The following CACNA1S variants were observed in gnomAD, a reference collection of about 807,000 sequenced individuals.
The protein encoded by CACNA1S is calcium voltage-gated channel subunit alpha1 S.
In CACNA1S, 126 loss-of-function variants were observed where a neutral mutation model predicts 207.4. The observed-to-expected ratio is 0.61, with a 90% CI of 0.53 to 0.70. The LOEUF is 0.70. CACNA1S is among the 30% of genes least tolerant of loss of function. The pLI is 0.00. For synonymous variants in CACNA1S, 960 were observed against 932.7 expected (o/e 1.03, Z -0.53); for missense variants, 2,349 against 2,422.8 (o/e 0.97, Z 0.64).
intron 22 of CACNA1S, 140 bp from the exon 23 acceptor site, chr1:201,062,654 T>C: frequency 1.3e-6 from 1 of 759,676 alleles, no homozygotes. Context: ...CATCTCTTCC[T>C]CTCAGAGGCG....
At chr1:201,045,830 T>C (rs1001802615) in intron 38 of CACNA1S, among the ~76,000 whole-genome samples, 8 of 152,062 alleles carry the variant, frequency 5.3e-5, no homozygotes, top group African/African-American at 1.9e-4. Context: ...GATAACGCCC[T>C]TGTAATACAC....
Position 201,070,395 on chromosome 1 carries a change from T to A in CACNA1S, c.2237A>T (p.Glu746Val). 3 of 1,613,996 alleles carry A rather than the reference T, an allele frequency of 1.9e-6. No homozygotes were observed. The highest frequency in any genetic ancestry group is 1.7e-6 in the Non-Finnish European group (2 of 1,179,964). Residue 746 changes from glutamate (E) to valine (V), a missense_variant, in exon 17 of 44, where the codon GAG (glutamate) becomes GTG (valine). Physicochemically the swap from Glu to Val is moderately radical, Grantham distance 121. Coordinates refer to ENST00000362061, the MANE Select transcript of CACNA1S (RefSeq NM_000069.3). The stretch of plus-strand genomic sequence containing the variant: ...CAGCGGGATCTCAGGCTCATCTTCC[T>A]CGTCATCCCCTGTGGGGAGAGAGAG... The part of the protein sequence containing the change: ...YPSADFPGDD[E>V]EDEPEIPLSP...
At chr1:201,069,642 G>A (rs1201920057) in intron 17 of CACNA1S, 41 bp from the exon 18 acceptor site, 2 of 1,549,036 alleles carry the variant, frequency 1.3e-6, no homozygotes, top group Admixed American at 2.0e-5. Flanking sequence ...GCTGTGAGCT[G>A]CTGGAGGCTC....
chr1:201,076,398 G>A (rs10920107), intron 12 of CACNA1S, among the ~76,000 whole-genome samples: 40,533 of 152,158 alleles, frequency 0.27, 7,344 homozygotes, highest in East Asian at 0.76. Context: ...ATGTTTCCAC[G>A]TCTACACTAA....
chr1:201,044,265 C>T lies in CACNA1S; in HGVS notation c.4797+63G>A. ...GTGTGGCTGGGCTCCCAGCCCTCCT[C>T]TCTGTGAGACACTGCCACTCATGGT... On this transcript the variant is annotated intron_variant, in intron 39 of 43. Transcript: ENST00000362061. 2.5e-6 allele frequency: 4 copies of T among 1,605,298 alleles called. No individual in the cohort carries two copies. In the East Asian group the frequency reaches 6.7e-5, roughly 27 times the overall value.
intron 19 of CACNA1S, 107 bp from the exon 20 acceptor site, chr1:201,067,100 A>G (rs1661275181): frequency 8.0e-6 from 6 of 746,112 alleles, no homozygotes; most frequent in Non-Finnish European, 1.5e-5. Context: ...TACTGAGGCA[A>G]TAGCCTTCCA....
At chr1:201,047,376 C>T in intron 37 of CACNA1S, 137 bp from the exon 38 acceptor site, 1 of 1,343,314 alleles carries the variant, frequency 7.4e-7, no homozygotes, top group African/African-American at 1.4e-5. Flanking sequence ...GGGCACTTTC[C>T]ATCCTGAGGT....
chr1:201,059,973 G>T (rs1474941232), intron 26 of CACNA1S, among the ~76,000 whole-genome samples: 1 of 152,206 alleles, frequency 6.6e-6, no homozygotes, highest in Non-Finnish European at 1.5e-5. Context: ...CCTCCACCCT[G>T]CCCTGCCTTG....
At chr1:201,106,607 T>C (rs1310600808) in intron 2 of CACNA1S, among the ~76,000 whole-genome samples, 1 of 152,182 alleles carries the variant, frequency 6.6e-6, no homozygotes, top group Non-Finnish European at 1.5e-5. Context: ...TTTCAGCCCC[T>C]TTCTCAGCCT....
chr1:201,097,578 C>G (rs140433954), intron 2 of CACNA1S, among the ~76,000 whole-genome samples: 15 of 152,338 alleles, frequency 9.8e-5, no homozygotes, highest in Non-Finnish European at 2.2e-4. Context: ...CCCTATAACC[C>G]TGTGCTTCTC....
At position 201,039,549 on chromosome 1, in the gene CACNA1S, C is replaced by T; in HGVS notation, c.*282G>A. 1.9e-6 allele frequency: 1 copy of T among 534,520 alleles called. No individual in the cohort carries two copies. Among genetic ancestry groups the T allele is most frequent in the East Asian group, 3.2e-5 (1 of 30,816 alleles). 33.1% of individuals were successfully genotyped at this position (534,520 alleles called of 1,614,324 possible). A position where few individuals can be genotyped will look rare whatever the true frequency, so the allele number is the denominator to read the frequency against. On this transcript the variant is annotated 3_prime_UTR_variant, in exon 44 of 44. Coordinates refer to ENST00000362061, the MANE Select transcript of CACNA1S (RefSeq NM_000069.3). The stretch of plus-strand genomic sequence containing the variant: ...CAGGCCTGGAGATTTTAATGTCCTG[C>T]AGGTGGGAGTGGCCCTAGGCCAGAC...
chr1:201,067,035 G>A, intron 19 of CACNA1S, 42 bp from the exon 20 acceptor site: 10 of 1,322,846 alleles, frequency 7.6e-6, no homozygotes, highest in Non-Finnish European at 9.8e-6. Flanking sequence ...GGAGCTTGGA[G>A]AACAGGCCTG....
rs1057524424 is a variant in CACNA1S, at chr1:201,039,877, T to C, written c.5576A>G (p.Asp1859Gly). ...LNLGSSLGSL[D>G]QHQGSQETLI... ...GGTCTCCTGGGAGCCCTGGTGTTGG[T>C]CGAGGCTGCCCAGGGAGGACCCGAG... The change falls in exon 44 of 44, where the codon GAC (aspartate) becomes GGC (glycine). Residue 1859 changes from aspartate (D) to glycine (G), a missense_variant. By Grantham distance (94) the Asp-to-Gly change is moderately conservative (BLOSUM62 -1). Coordinates refer to ENST00000362061, the MANE Select transcript of CACNA1S (RefSeq NM_000069.3). 3.7e-6 allele frequency: 6 copies of C among 1,611,500 alleles called. No homozygotes were observed.
intron 19 of CACNA1S, among the ~76,000 whole-genome samples, chr1:201,068,174 C>T (rs1369056937): frequency 6.6e-6 from 1 of 150,980 alleles, no homozygotes; most frequent in Non-Finnish European, 1.5e-5. Context: ...AAGGCCTTTC[C>T]AGTCACTGTT....
rs1248307366 is a variant in CACNA1S at position 201,070,411 on chromosome 1, GGA to G, written c.2228-9_2228-8del. 6.2e-7 allele frequency: 1 copy of G among 1,613,682 alleles called. No individual in the cohort carries two copies. ...TCATCTTCCTCGTCATCCCCTGTGG[GGA>G]GAGAGAGAGGAATTAGGGGTGTCTT... On this transcript the variant is annotated splice_polypyrimidine_tract_variant and splice_region_variant and intron_variant, in intron 16 of 43. Coordinates refer to ENST00000362061, the MANE Select transcript of CACNA1S (RefSeq NM_000069.3).
At chr1:201,081,780 C>G (rs1661849833) in intron 10 of CACNA1S, among the ~76,000 whole-genome samples, 1 of 152,186 alleles carries the variant, frequency 6.6e-6, no homozygotes, top group Admixed American at 6.5e-5. Context: ...GTTAAGTCAG[C>G]TCACTCTGAG....
intron 8 of CACNA1S, 129 bp downstream of exon 8, chr1:201,085,307 C>T (rs1245400695): frequency 7.6e-7 from 1 of 1,319,390 alleles, no homozygotes; most frequent in Non-Finnish European, 1.1e-6. Context: ...AGCCATTTTG[C>T]TTTAGGCAAG....
chr1:201,094,910 G>T (rs572810391), intron 2 of CACNA1S, among the ~76,000 whole-genome samples: 1 of 151,908 alleles, frequency 6.6e-6, no homozygotes. Context: ...CCTCTTCTGG[G>T]CCCAGGTGAG....
intron 2 of CACNA1S, among the ~76,000 whole-genome samples, chr1:201,104,091 C>T (rs986731571): frequency 6.6e-6 from 1 of 152,212 alleles, no homozygotes; most frequent in Admixed American, 6.5e-5. Flanking sequence ...GAAAGGATGC[C>T]ATATCTTTGT....
Sources: gnomAD v4.1 joint callset for allele counts (sites outside exome capture counted in the v4.1 genomes callset) on GRCh38, gnomAD v4.1.1 for gene constraint, MANE v1.5 for transcripts, NCBI Gene and HGNC (gene_info 2026-07-23, HGNC 2026-07-21) for gene names.